The following NDUFAF7 variants were observed in gnomAD, a reference collection of about 807,000 sequenced individuals.
The protein encoded by NDUFAF7 is protein arginine methyltransferase NDUFAF7, mitochondrial.
Under a neutral mutation model 47.2 loss-of-function variants are expected in NDUFAF7, and 48 were observed. The ratio of observed to expected loss-of-function variants is 1.02; its 90% CI spans 0.81 to 1.29. The LOEUF (loss-of-function observed/expected upper bound fraction) is 1.29, where lower values mean the gene tolerates loss of function less well. Ranked by LOEUF, NDUFAF7 falls within the 50% of genes most tolerant of loss-of-function variation. NDUFAF7 has a pLI of 0.00. For synonymous variants in NDUFAF7, 217 were observed against 190.0 expected (o/e 1.14, Z -1.17); for missense variants, 635 against 537.6 (o/e 1.18, Z -1.79).
chr2:37,251,704 T>C (rs1446471916), downstream of NDUFAF7: 1 of 152,044 alleles, frequency 6.6e-6, no homozygotes, highest in Non-Finnish European at 1.5e-5. Context: ...TTCATACATA[T>C]CTGATCTTCA....
At chr2:37,267,720 A>G in the NDUFAF7 span, 3 of 527,522 alleles carry the variant, frequency 5.7e-6, no homozygotes, top group Admixed American at 3.7e-5. Flanking sequence ...TCCATACATA[A>G]TATTTGCCCC....
intron 2 of NDUFAF7, among the ~76,000 whole-genome samples, chr2:37,235,635 C>T (rs1665669778): frequency 9.0e-6 from 1 of 111,614 alleles, no homozygotes; most frequent in South Asian, 3.1e-4. Flanking sequence ...CCATATTTCC[C>T]TTGCTTATTT....
the NDUFAF7 span, among the ~76,000 whole-genome samples, chr2:37,263,796 G>A: frequency 6.6e-6 from 1 of 152,096 alleles, no homozygotes; most frequent in Non-Finnish European, 1.5e-5. Flanking sequence ...CATCTTCACT[G>A]TTGTTGGAAA....
At chr2:37,257,037 A>T, downstream of NDUFAF7, 1 of 1,199,190 alleles carries the variant, frequency 8.3e-7, no homozygotes, top group South Asian at 1.4e-5. Context: ...TGCCAGCTCT[A>T]CTGATTATGA....
At chr2:37,250,648 G>A (rs1667410975), downstream of NDUFAF7, 1 of 152,038 alleles carries the variant, frequency 6.6e-6, no homozygotes, top group African/African-American at 2.4e-5. Flanking sequence ...AACACAACCA[G>A]GTCAAACTTT....
At chr2:37,269,507 AAAAG>A in the NDUFAF7 span, 117 of 923,148 alleles carry the variant, frequency 1.3e-4, 1 homozygote, top group East Asian at 2.7e-3. Context: ...GCCTTTAAAA[AAAAG>A]GCACTGGACA....
chr2:37,235,238 C>G (rs113617129), intron 2 of NDUFAF7, among the ~76,000 whole-genome samples: 5 of 151,418 alleles, frequency 3.3e-5, no homozygotes, highest in African/African-American at 1.2e-4. Context: ...GCATGGATGT[C>G]TGGACAAGCA....
chr2:37,232,341 G>C, intron 2 of NDUFAF7, 75 bp downstream of exon 2: 1 of 1,582,388 alleles, frequency 6.3e-7, no homozygotes, highest in Non-Finnish European at 8.7e-7. Context: ...GGAGAAGCCC[G>C]AAGGTTCTCA....
At chr2:37,234,425 T>G (rs895384246) in intron 2 of NDUFAF7, among the ~76,000 whole-genome samples, 32 of 152,044 alleles carry the variant, frequency 2.1e-4, no homozygotes, top group African/African-American at 7.7e-4. Flanking sequence ...AGTAAAGAAG[T>G]GTATATATCA....
At chr2:37,240,402 CA>C (rs1200306838) in intron 4 of NDUFAF7, among the ~76,000 whole-genome samples, 6 of 140,678 alleles carry the variant, frequency 4.3e-5, no homozygotes, top group Non-Finnish European at 6.2e-5. Context: ...GACCCTGTCT[CA>C]AAAAAAAAAC....
downstream of NDUFAF7, chr2:37,253,304 C>T (rs776442361): frequency 6.2e-7 from 1 of 1,612,944 alleles, no homozygotes; most frequent in East Asian, 2.2e-5. Flanking sequence ...GTAACGTTCT[C>T]CAATGCGAGT....
chr2:37,238,352 C>T (rs1666008952), intron 4 of NDUFAF7, among the ~76,000 whole-genome samples: 1 of 151,902 alleles, frequency 6.6e-6, no homozygotes, highest in Non-Finnish European at 1.5e-5. Flanking sequence ...CGCTTGAACC[C>T]AGGAGGCAGA....
rs374762983 is a variant in NDUFAF7, at chr2:37,246,036, A to G, written c.793-16A>G. 2.5e-5 allele frequency: 41 copies of G among 1,613,270 alleles called. No homozygotes were observed. The highest frequency in any genetic ancestry group is 2.4e-4 in the South Asian group (22 of 91,036). On this transcript the variant is annotated splice_polypyrimidine_tract_variant and intron_variant, in intron 7 of 9. Transcript: ENST00000002125. ...TGAATGATGCATTTTGACTCTTGCA[A>G]TGATCCCTTTACTAGCATGACGAAA... is the stretch of plus-strand genomic sequence containing the variant.
chr2:37,265,886 A>G, the NDUFAF7 span, among the ~76,000 whole-genome samples: 4 of 152,188 alleles, frequency 2.6e-5, no homozygotes, highest in Non-Finnish European at 5.9e-5. Flanking sequence ...CATAGCTGAT[A>G]AGAGGAAAAA....
At chr2:37,259,699 T>G in the NDUFAF7 span, 1 of 1,564,278 alleles carries the variant, frequency 6.4e-7, no homozygotes, top group East Asian at 2.2e-5. Context: ...GAAAAAAGAT[T>G]TTCTTTTCAA....
chr2:37,254,172 G>T (rs1270936859), downstream of NDUFAF7: 2 of 1,498,680 alleles, frequency 1.3e-6, no homozygotes, highest in Non-Finnish European at 9.3e-7. Flanking sequence ...CTCAAATGAG[G>T]ATTGCCAAAG....
downstream of NDUFAF7, chr2:37,251,697 A>G (rs528407890): frequency 1.3e-5 from 2 of 152,062 alleles, no homozygotes; most frequent in African/African-American, 4.8e-5. Context: ...GACTGCATTC[A>G]TACATATCTG....
chr2:37,247,750 C>G (rs1040150934), intron 9 of NDUFAF7, 121 bp downstream of exon 9: 2 of 1,191,160 alleles, frequency 1.7e-6, no homozygotes. Flanking sequence ...GTATTCCAGT[C>G]TTTTCAGGTA....
the NDUFAF7 span, chr2:37,268,300 C>T: frequency 2.1e-6 from 1 of 470,760 alleles, no homozygotes; most frequent in Admixed American, 2.4e-5. Flanking sequence ...GCCAAAGGTA[C>T]CTCGGACAGT....
Sources: gnomAD v4.1 joint callset for allele counts (sites outside exome capture counted in the v4.1 genomes callset) on GRCh38, gnomAD v4.1.1 for gene constraint, MANE v1.5 for transcripts, NCBI Gene and HGNC (gene_info 2026-07-23, HGNC 2026-07-21) for gene names.